The following TNIK variants were observed in gnomAD, a reference collection of about 807,000 sequenced individuals.
TNIK encodes TRAF2 and NCK interacting kinase, also known as TRAF2 and NCK-interacting protein kinase.
In TNIK, 49 loss-of-function variants were observed where a neutral mutation model predicts 191.3. That is an observed-to-expected ratio of 0.26 (90% CI 0.20 to 0.32). The LOEUF (loss-of-function observed/expected upper bound fraction) is 0.32, where lower values mean the gene tolerates loss of function less well. TNIK is among the 10% of genes least tolerant of loss of function. TNIK has a pLI of 1.00. For synonymous variants in TNIK, 594 were observed against 600.9 expected, an observed-to-expected ratio of 0.99 and a Z score of 0.17; for missense variants, 1,155 against 1,702.3, an observed-to-expected ratio of 0.68 and a Z score of 5.66.
In TNIK at chr3:171,067,380, A is replaced by T. The variant is rs184785264; in HGVS notation, c.3700-645T>A. Among the ~76,000 whole-genome samples, 80 of 152,326 alleles carry T rather than the reference A, an allele frequency of 5.3e-4. 1 individual carries two copies. The East Asian group carries it at 0.015, about 28-fold the overall frequency. On this transcript the variant is annotated intron_variant, in intron 30 of 32. Coordinates refer to ENST00000436636, the MANE Select transcript of TNIK (RefSeq NM_015028.4). ...TTTAGAATGACCACTCATTAAAAAAAATCATTATTGCCGCACACAGTGGCT... is the reference window on the plus strand; with the variant it reads ...TTTAGAATGACCACTCATTAAAAAATATCATTATTGCCGCACACAGTGGCT...
At chr3:171,308,095 C>CA (rs1560406693) in intron 2 of TNIK, among the ~76,000 whole-genome samples, 1 of 151,758 alleles carries the variant, frequency 6.6e-6, no homozygotes, top group Non-Finnish European at 1.5e-5. Context: ...CATATGGAAC[C>CA]AAAAAAGAGC....
chr3:171,147,659 G>A (rs899680697), intron 12 of TNIK, among the ~76,000 whole-genome samples: 5 of 152,074 alleles, frequency 3.3e-5, no homozygotes, highest in Non-Finnish European at 7.4e-5. Flanking sequence ...CACTTACGTA[G>A]TGCAGCCTAT....
At position 171,211,112 on chromosome 3, in the gene TNIK, A is replaced by C; in HGVS notation, c.306+4T>G. On this transcript the variant is annotated splice_donor_region_variant and intron_variant, in intron 4 of 32. Transcript: ENST00000436636. ...ATAAAGCAAATTTGGACGGCAGTAC[A>C]TACCCAAAGTTGGTCATCCATGCCT... 6.2e-7 allele frequency: 1 copy of C among 1,612,052 alleles called. No homozygotes were observed. The highest frequency in any genetic ancestry group is 8.5e-7 in the Non-Finnish European group (1 of 1,179,324).
chr3:171,326,365 C>A (rs1755747496), intron 2 of TNIK, among the ~76,000 whole-genome samples: 1 of 152,136 alleles, frequency 6.6e-6, no homozygotes, highest in South Asian at 2.1e-4. Context: ...GACAGACACA[C>A]AAAAGCAGCA....
At chr3:171,304,579 T>C (rs1753216997) in intron 2 of TNIK, among the ~76,000 whole-genome samples, 1 of 152,200 alleles carries the variant, frequency 6.6e-6, no homozygotes, top group Non-Finnish European at 1.5e-5. Flanking sequence ...ATTGCGGCAC[T>C]ATTCACAATA....
At chr3:171,305,220 C>A (rs916711104) in intron 2 of TNIK, among the ~76,000 whole-genome samples, 3 of 152,008 alleles carry the variant, frequency 2.0e-5, no homozygotes, top group African/African-American at 7.2e-5. Flanking sequence ...TTATTTGTTT[C>A]TTTCATTTTC....
At chr3:171,145,080 A>ATCTC (rs149632182) in intron 12 of TNIK, among the ~76,000 whole-genome samples, 30,726 of 125,992 alleles carry the variant, frequency 0.24, 3,603 homozygotes, top group Non-Finnish European at 0.29. Context: ...GAGCACAGCT[A>ATCTC]TCTCTCTCTT....
intron 2 of TNIK, among the ~76,000 whole-genome samples, chr3:171,308,012 A>G (rs2131365): frequency 0.38 from 57,555 of 151,984 alleles, 11,288 homozygotes; most frequent in Non-Finnish European, 0.42. Context: ...CAAGCAATTT[A>G]CAGATTAAAT....
At chr3:171,290,275 T>C (rs535329694) in intron 2 of TNIK, among the ~76,000 whole-genome samples, 43 of 152,288 alleles carry the variant, frequency 2.8e-4, no homozygotes, top group African/African-American at 1.0e-3. Context: ...TTGGTAAACA[T>C]CTAACAGGAA....
intron 22 of TNIK, among the ~76,000 whole-genome samples, chr3:171,095,848 C>A (rs1387800471): frequency 6.6e-6 from 1 of 152,090 alleles, no homozygotes; most frequent in Non-Finnish European, 1.5e-5. Context: ...TCCAAAGAGG[C>A]ATTTTCATTT....
intron 2 of TNIK, among the ~76,000 whole-genome samples, chr3:171,343,780 T>TGGAG (rs1711686271): frequency 6.6e-6 from 1 of 152,204 alleles, no homozygotes; most frequent in African/African-American, 2.4e-5. Flanking sequence ...TCTTTTGATT[T>TGGAG]ATCTCCAAAT....
intron 1 of TNIK, among the ~76,000 whole-genome samples, chr3:171,421,786 C>T (rs1723838389): frequency 7.8e-6 from 1 of 127,972 alleles, no homozygotes; most frequent in Admixed American, 9.3e-5. Flanking sequence ...GGCTGGACTA[C>T]AATGGCGCAA....
intron 12 of TNIK, among the ~76,000 whole-genome samples, chr3:171,153,720 A>T (rs936444828): frequency 6.6e-6 from 1 of 152,212 alleles, no homozygotes; most frequent in Non-Finnish European, 1.5e-5. Flanking sequence ...TAAAATTCAA[A>T]AGTAATCAAC....
intron 2 of TNIK, among the ~76,000 whole-genome samples, chr3:171,332,223 TA>T (rs1756482458): frequency 6.6e-6 from 1 of 152,228 alleles, no homozygotes; most frequent in Non-Finnish European, 1.5e-5. Flanking sequence ...AACTTTGTTT[TA>T]AAAGGCCACT....
At chr3:171,161,238 A>C (rs1733945436) in intron 11 of TNIK, 32 bp downstream of exon 11, 2 of 1,599,696 alleles carry the variant, frequency 1.3e-6, no homozygotes. Context: ...TCAGAATGTG[A>C]ACATTAGAAG....
At chr3:171,139,376 G>GTGCA (rs1553830101) in intron 14 of TNIK, 94 bp downstream of exon 14, 299 of 532,030 alleles carry the variant, frequency 5.6e-4, no homozygotes, top group Middle Eastern at 1.3e-3. Flanking sequence ...ACACGCACGC[G>GTGCA]CGCACACACA....
intron 1 of TNIK, among the ~76,000 whole-genome samples, chr3:171,377,381 C>T (rs1423956477): frequency 2.0e-5 from 3 of 152,220 alleles, no homozygotes. Context: ...GATCACCCTC[C>T]CCGCTCAGCT....
intron 2 of TNIK, among the ~76,000 whole-genome samples, chr3:171,337,068 C>A (rs1402149156): frequency 6.6e-6 from 1 of 152,192 alleles, no homozygotes; most frequent in Admixed American, 6.5e-5. Flanking sequence ...TAATGAAGTA[C>A]CTACTGCCCA....
At position 171,167,156 on chromosome 3, in the gene TNIK, T is replaced by TCGC; in HGVS notation, c.885_887dup (p.Arg296dup). Reference sequence around the variant, plus strand: ...GGTCCTTGAGTTGAATGCGGACCTGTCGCTCATTAGGTTGGTCTCGTATAA... The same window carrying TCGC: ...GGTCCTTGAGTTGAATGCGGACCTGTCGCCGCTCATTAGGTTGGTCTCGTATAA... On this transcript the variant is annotated inframe_insertion, in exon 10 of 33. Coordinates refer to ENST00000436636, the MANE Select transcript of TNIK (RefSeq NM_015028.4). The TCGC allele has an allele frequency of 6.2e-7, 1 of 1,613,990 alleles. No homozygotes were observed. The highest frequency in any genetic ancestry group is 8.5e-7 in the Non-Finnish European group (1 of 1,179,880).
Sources: gnomAD v4.1 joint callset for allele counts (sites outside exome capture counted in the v4.1 genomes callset) on GRCh38, gnomAD v4.1.1 for gene constraint, MANE v1.5 for transcripts, NCBI Gene and HGNC (gene_info 2026-07-23, HGNC 2026-07-21) for gene names.